Variants in ARB2A observed in about 807,000 individuals in gnomAD.
The protein encoded by ARB2A is ARB2 cotranscriptional regulator A.
chr5:93,943,861 C>T, the ARB2A span, among the ~76,000 whole-genome samples: 110 of 151,954 alleles, frequency 7.2e-4, no homozygotes, highest in East Asian at 0.013. Flanking sequence ...CATCAAAAAA[C>T]GGGGAAAAAT....
chr5:93,672,532 T>TGTG, the ARB2A span, among the ~76,000 whole-genome samples: 1 of 151,908 alleles, frequency 6.6e-6, no homozygotes, highest in Non-Finnish European at 1.5e-5. Context: ...ATGGTCTCAA[T>TGTG]CTCCTGACCT....
At chr5:93,622,517 C>A in the ARB2A span, among the ~76,000 whole-genome samples, 1 of 152,150 alleles carries the variant, frequency 6.6e-6, no homozygotes, top group Non-Finnish European at 1.5e-5. Context: ...TGGCTGCTGT[C>A]GGCCAGAGAG....
At chr5:94,020,420 A>G in the ARB2A span, among the ~76,000 whole-genome samples, 1 of 151,932 alleles carries the variant, frequency 6.6e-6, no homozygotes, top group Admixed American at 6.5e-5. Flanking sequence ...AACTTAAAGT[A>G]TAATAATAAT....
At chr5:93,713,492 A>G in the ARB2A span, among the ~76,000 whole-genome samples, 1 of 152,242 alleles carries the variant, frequency 6.6e-6, no homozygotes, top group Non-Finnish European at 1.5e-5. Flanking sequence ...AATGCAAATC[A>G]AAACTACAAT....
the ARB2A span, among the ~76,000 whole-genome samples, chr5:93,780,404 A>G: frequency 6.6e-6 from 1 of 151,744 alleles, no homozygotes; most frequent in Admixed American, 6.6e-5. Context: ...TTTACCTTTT[A>G]CCTCTCTCTC....
At chr5:93,812,485 A>C in the ARB2A span, among the ~76,000 whole-genome samples, 1 of 152,202 alleles carries the variant, frequency 6.6e-6, no homozygotes, top group African/African-American at 2.4e-5. Context: ...CCAACTGGAA[A>C]GGAGTCAAGA....
the ARB2A span, among the ~76,000 whole-genome samples, chr5:94,019,936 A>C: frequency 6.6e-6 from 1 of 152,192 alleles, no homozygotes; most frequent in Admixed American, 6.5e-5. Context: ...CTCACTGAGT[A>C]CCTGTTCATT....
At chr5:93,733,193 T>C in the ARB2A span, 1 of 151,012 alleles carries the variant, frequency 6.6e-6, no homozygotes, top group African/African-American at 2.4e-5. Flanking sequence ...AAACTTATTT[T>C]CTTTTCTTTC....
At chr5:93,968,900 A>C in the ARB2A span, among the ~76,000 whole-genome samples, 1 of 151,976 alleles carries the variant, frequency 6.6e-6, no homozygotes. Flanking sequence ...GGAGGGAATT[A>C]CTCAGTGTTG....
the ARB2A span, among the ~76,000 whole-genome samples, chr5:93,778,259 T>C: frequency 6.6e-6 from 1 of 152,222 alleles, no homozygotes; most frequent in Non-Finnish European, 1.5e-5. Context: ...AGATATTTCA[T>C]ACATTTGAAA....
chr5:93,661,566 A>G, the ARB2A span, among the ~76,000 whole-genome samples: 2 of 152,114 alleles, frequency 1.3e-5, no homozygotes, highest in Non-Finnish European at 2.9e-5. Context: ...GGGGTGTCCA[A>G]TCTTTTGGCT....
the ARB2A span, chr5:93,881,286 A>G: frequency 2.2e-6 from 1 of 461,756 alleles, no homozygotes; most frequent in East Asian, 3.7e-5. Flanking sequence ...TCACACTGAA[A>G]TAAGAATGAT....
chr5:94,052,979 G>T, the ARB2A span: 1 of 407,094 alleles, frequency 2.5e-6, no homozygotes, highest in East Asian at 3.8e-5. Context: ...TTTCTCAAAA[G>T]AATACAGAAA....
chr5:93,699,636 A>T, the ARB2A span, among the ~76,000 whole-genome samples: 2 of 151,952 alleles, frequency 1.3e-5, no homozygotes, highest in Admixed American at 1.3e-4. Context: ...AAATGTAAAA[A>T]TCTGTCCTCC....
At chr5:93,767,611 G>A in the ARB2A span, among the ~76,000 whole-genome samples, 1 of 151,996 alleles carries the variant, frequency 6.6e-6, no homozygotes, top group African/African-American at 2.4e-5. Flanking sequence ...GCAAAATCGT[G>A]GAACCAACCC....
At chr5:93,940,170 C>T in the ARB2A span, among the ~76,000 whole-genome samples, 2 of 152,008 alleles carry the variant, frequency 1.3e-5, no homozygotes, top group Non-Finnish European at 2.9e-5. Flanking sequence ...CTTATTAGTA[C>T]AAGGTTACAA....
chr5:94,039,789 C>T, the ARB2A span, among the ~76,000 whole-genome samples: 2 of 152,138 alleles, frequency 1.3e-5, no homozygotes, highest in African/African-American at 2.4e-5. Flanking sequence ...AACTCCCAAA[C>T]CAAAGGCTAA....
At chr5:94,102,494 G>A in the ARB2A span, among the ~76,000 whole-genome samples, 1 of 151,944 alleles carries the variant, frequency 6.6e-6, no homozygotes, top group Non-Finnish European at 1.5e-5. Flanking sequence ...TAAAAAGAAT[G>A]AACAAAATCT....
chr5:93,806,522 G>C, the ARB2A span, among the ~76,000 whole-genome samples: 1 of 151,624 alleles, frequency 6.6e-6, no homozygotes, highest in Non-Finnish European at 1.5e-5. Context: ...ACACAACTCA[G>C]GTATATACTT....
Sources: gnomAD v4.1 joint callset for allele counts (sites outside exome capture counted in the v4.1 genomes callset) on GRCh38, gnomAD v4.1.1 for gene constraint, MANE v1.5 for transcripts, NCBI Gene and HGNC (gene_info 2026-07-23, HGNC 2026-07-21) for gene names.